MRTFB: variants seen among roughly 807,000 people sequenced by gnomAD.
MRTFB encodes myocardin-related transcription factor B.
Under a neutral mutation model 104.2 loss-of-function variants are expected in MRTFB, and 29 were observed. The observed-to-expected ratio is 0.28, with a 90% CI of 0.21 to 0.38. The LOEUF (loss-of-function observed/expected upper bound fraction) is 0.38, where lower values mean the gene tolerates loss of function less well. MRTFB is among the 10% of genes least tolerant of loss of function. The pLI, the probability that MRTFB is intolerant of heterozygous loss-of-function variation, is 1.00. For missense variants in MRTFB, 1,270 were observed against 1,341.6 expected, an observed-to-expected ratio of 0.95 and a Z score of 0.83; for synonymous variants, 535 against 519.5, an observed-to-expected ratio of 1.03 and a Z score of -0.41.
chr16:14,149,606 C>G (rs1299759379), intron 3 of MRTFB: 4 of 152,130 alleles, frequency 2.6e-5, no homozygotes, highest in Admixed American at 2.0e-4. Flanking sequence ...ATTGATATTT[C>G]AAGAATGGAA....
At chr16:14,056,191 C>T in the MRTFB span, among the ~76,000 whole-genome samples, 1 of 152,212 alleles carries the variant, frequency 6.6e-6, no homozygotes, top group South Asian at 2.1e-4. Flanking sequence ...GTTCGCCAGG[C>T]TGGTCTTGAA....
At chr16:14,092,315 G>A (rs915679893) in intron 2 of MRTFB, among the ~76,000 whole-genome samples, 1 of 152,124 alleles carries the variant, frequency 6.6e-6, no homozygotes, top group Middle Eastern at 3.2e-3. Context: ...ATCTATGTAC[G>A]AATGAATGAA....
the MRTFB span, among the ~76,000 whole-genome samples, chr16:14,048,296 A>G: frequency 1.2e-4 from 18 of 152,332 alleles, no homozygotes; most frequent in South Asian, 3.7e-3. Flanking sequence ...AGGAAATACA[A>G]TGGAAGAAAT....
intron 5 of MRTFB, 74 bp downstream of exon 5, chr16:14,212,483 T>C (rs2041235778): frequency 7.3e-7 from 1 of 1,364,056 alleles, no homozygotes; most frequent in African/African-American, 1.4e-5. Context: ...TGTGTACAAG[T>C]AGCAGTGTTA....
At chr16:14,171,283 GAAAATATACATAGTCTGGGC>G (rs1012359217) in intron 3 of MRTFB, among the ~76,000 whole-genome samples, 6 of 152,146 alleles carry the variant, frequency 3.9e-5, no homozygotes, top group Admixed American at 2.0e-4. Context: ...GACAGAAATA[GAAAATATACATAGTCTGGGC>G]ATGGTGCTCA....
chr16:14,052,694 G>A, the MRTFB span, among the ~76,000 whole-genome samples: 2 of 150,076 alleles, frequency 1.3e-5, no homozygotes, highest in African/African-American at 4.9e-5. Context: ...AGCCGAGATG[G>A]TGCCATTGCA....
chr16:14,239,700 T>C (rs1567204713), intron 9 of MRTFB, among the ~76,000 whole-genome samples: 2 of 152,166 alleles, frequency 1.3e-5, no homozygotes, highest in Admixed American at 6.5e-5. Flanking sequence ...AAAGGAAAAA[T>C]GTAGTATTTG....
chr16:14,086,988 T>C (rs1032952836), intron 2 of MRTFB, among the ~76,000 whole-genome samples: 3 of 152,242 alleles, frequency 2.0e-5, no homozygotes, highest in Middle Eastern at 3.4e-3. Flanking sequence ...AGTCGTTTGA[T>C]TGGAAAGTTG....
intron 1 of MRTFB, among the ~76,000 whole-genome samples, chr16:14,077,969 G>A (rs1365570726): frequency 6.6e-6 from 1 of 152,152 alleles, no homozygotes; most frequent in African/African-American, 2.4e-5. Context: ...TCAGCCTGGC[G>A]TTCAAGGCCC....
the MRTFB span, among the ~76,000 whole-genome samples, chr16:14,036,853 T>A: frequency 6.6e-6 from 1 of 152,180 alleles, no homozygotes; most frequent in Middle Eastern, 3.4e-3. Context: ...CAGCCCCCAC[T>A]GAACCCCAAA....
At chr16:14,028,223 A>C in the MRTFB span, among the ~76,000 whole-genome samples, 1,074 of 152,014 alleles carry the variant, frequency 7.1e-3, 9 homozygotes, top group African/African-American at 0.023. Flanking sequence ...ACAAAACAAA[A>C]CAAACCAAGT....
At chr16:14,003,487 C>T in the MRTFB span, among the ~76,000 whole-genome samples, 1 of 152,178 alleles carries the variant, frequency 6.6e-6, no homozygotes, top group African/African-American at 2.4e-5. Context: ...TTGCTGCTCC[C>T]AGAGCCACAG....
At chr16:14,227,268 GCT>G (rs1479283208) in intron 8 of MRTFB, among the ~76,000 whole-genome samples, 26 of 149,142 alleles carry the variant, frequency 1.7e-4, no homozygotes, top group African/African-American at 6.4e-4. Context: ...TCCCGTGAGA[GCT>G]TGTTGTTAAA....
intron 2 of MRTFB, among the ~76,000 whole-genome samples, chr16:14,121,560 C>A (rs2036845335): frequency 6.6e-6 from 1 of 152,160 alleles, no homozygotes; most frequent in South Asian, 2.1e-4. Flanking sequence ...TTGTTAACCT[C>A]TTATGCAAAC....
At chr16:14,040,316 G>A in the MRTFB span, among the ~76,000 whole-genome samples, 1 of 152,070 alleles carries the variant, frequency 6.6e-6, no homozygotes, top group African/African-American at 2.4e-5. Context: ...CATGTCCTAG[G>A]ATAAATAATA....
chr16:14,236,240 T>C (rs2042501312), intron 9 of MRTFB, among the ~76,000 whole-genome samples: 1 of 152,088 alleles, frequency 6.6e-6, no homozygotes, highest in Non-Finnish European at 1.5e-5. Flanking sequence ...AGAAGGTAAA[T>C]AGCTAATTGA....
chr16:14,196,946 T>C (rs978997196), intron 3 of MRTFB, among the ~76,000 whole-genome samples: 63 of 151,886 alleles, frequency 4.1e-4, no homozygotes, highest in African/African-American at 1.4e-3. Flanking sequence ...GAGAGTACTT[T>C]AGTGCTTTCT....
chr16:14,138,797 T>G (rs1175134276), intron 2 of MRTFB, among the ~76,000 whole-genome samples: 1 of 152,232 alleles, frequency 6.6e-6, no homozygotes, highest in Non-Finnish European at 1.5e-5. Flanking sequence ...CAGTTGAATT[T>G]CAGCAAAGAT....
At chr16:14,004,844 G>A in the MRTFB span, among the ~76,000 whole-genome samples, 1 of 152,250 alleles carries the variant, frequency 6.6e-6, no homozygotes, top group South Asian at 2.1e-4. Context: ...GCTCCTCTGG[G>A]CAGTCAGCAT....
Sources: allele counts gnomAD v4.1 joint callset (sites outside exome capture counted in the v4.1 genomes callset), GRCh38; gene constraint gnomAD v4.1.1; transcripts MANE v1.5; gene names NCBI Gene and HGNC (gene_info 2026-07-23, HGNC 2026-07-21).